The following MBNL1 variants were observed in gnomAD, a reference collection of about 807,000 sequenced individuals.
The protein encoded by MBNL1 is muscleblind like splicing regulator 1.
A neutral mutation model predicts 42.2 loss-of-function variants in MBNL1; 8 were observed. The ratio of observed to expected loss-of-function variants is 0.19; its 90% CI spans 0.11 to 0.34. The LOEUF is 0.34. Ranked by LOEUF, MBNL1 falls within the 10% of genes least tolerant of loss-of-function variation. MBNL1 has a pLI of 1.00. For synonymous variants in MBNL1, 169 were observed against 173.9 expected, an observed-to-expected ratio of 0.97 and a Z score of 0.22; for missense variants, 309 against 495.3, an observed-to-expected ratio of 0.62 and a Z score of 3.57.
chr3:152,320,698 T>TA (rs1222701836), intron 2 of MBNL1, among the ~76,000 whole-genome samples: 3 of 150,634 alleles, frequency 2.0e-5, no homozygotes, highest in Non-Finnish European at 3.0e-5. Context: ...TTTTTTTTTT[T>TA]AATCTTTTTT....
At chr3:152,244,770 CTT>C (rs2032501980) in intron 2 of MBNL1, among the ~76,000 whole-genome samples, 1 of 152,042 alleles carries the variant, frequency 6.6e-6, no homozygotes, top group Non-Finnish European at 1.5e-5. Flanking sequence ...AATTTGATAA[CTT>C]TTCTTCTTTC....
intron 2 of MBNL1, among the ~76,000 whole-genome samples, chr3:152,328,423 G>C (rs914536049): frequency 2.0e-5 from 3 of 152,086 alleles, no homozygotes; most frequent in Non-Finnish European, 4.4e-5. Flanking sequence ...AGTAATTACT[G>C]TAATTCTAAA....
At chr3:152,440,753 T>A (rs980246053) in intron 4 of MBNL1, among the ~76,000 whole-genome samples, 2 of 152,246 alleles carry the variant, frequency 1.3e-5, no homozygotes, top group African/African-American at 4.8e-5. Flanking sequence ...TAATCCTTTT[T>A]AAATGAAAAT....
At chr3:152,403,394 A>G (rs891223187) in intron 2 of MBNL1, among the ~76,000 whole-genome samples, 4 of 152,188 alleles carry the variant, frequency 2.6e-5, no homozygotes, top group Admixed American at 6.5e-5. Flanking sequence ...CCCTTTTGCT[A>G]TATAGACTCA....
At chr3:152,410,466 G>T (rs912752720) in intron 2 of MBNL1, among the ~76,000 whole-genome samples, 1 of 152,084 alleles carries the variant, frequency 6.6e-6, no homozygotes, top group East Asian at 1.9e-4. Context: ...AAATGAACTT[G>T]GTGTAGACCA....
At chr3:152,249,695 T>C (rs901253031) in intron 2 of MBNL1, among the ~76,000 whole-genome samples, 1 of 149,714 alleles carries the variant, frequency 6.7e-6, no homozygotes, top group African/African-American at 2.5e-5. Flanking sequence ...TCCTTGCCCA[T>C]GCCTATGTCC....
chr3:152,286,915 C>T (rs1577160961), intron 1 of MBNL1, among the ~76,000 whole-genome samples: 2 of 152,072 alleles, frequency 1.3e-5, no homozygotes, highest in Non-Finnish European at 2.9e-5. Flanking sequence ...TGGTTTGAGG[C>T]ATGATTAATA....
chr3:152,260,309 C>G (rs1427315543), intron 2 of MBNL1, among the ~76,000 whole-genome samples: 1 of 152,138 alleles, frequency 6.6e-6, no homozygotes, highest in Non-Finnish European at 1.5e-5. Flanking sequence ...ATTGCAGAAA[C>G]ATGGGCATTC....
At chr3:152,344,913 C>T (rs2093978971) in intron 2 of MBNL1, among the ~76,000 whole-genome samples, 2 of 152,136 alleles carry the variant, frequency 1.3e-5, no homozygotes, top group African/African-American at 4.8e-5. Context: ...CACAGACACC[C>T]ATGCTTTTGC....
rs140212845 is a variant in MBNL1, at chr3:152,259,848, CAATAA to C, written n.333+15411_333+15415del. Among the ~76,000 whole-genome samples, 10 of 152,020 alleles carry C rather than the reference CAATAA, an allele frequency of 6.6e-5. No homozygotes were observed. The East Asian group carries it at 1.9e-3, about 29-fold the overall frequency. ...AACTATAATGTGAGACATTTGAATTCAATAAAAAAGGGAGAGAGCAATAAAATAAT... is the reference window on the plus strand; with the variant it reads ...AACTATAATGTGAGACATTTGAATTCAAAAGGGAGAGAGCAATAAAATAAT... On this transcript the variant is annotated intron_variant and non_coding_transcript_variant, in intron 2 of 2. Transcript: ENST00000477171.
rs536175041 is a variant in MBNL1 at position 152,411,253 on chromosome 3, G to T, written c.175-3688G>T. On this transcript the variant is annotated intron_variant, in intron 2 of 9. Coordinates refer to ENST00000324210, the MANE Select transcript of MBNL1 (RefSeq NM_021038.5). Reference sequence around the variant, plus strand: ...AAAACTGAAGATGGCTGGTCATGGTGGCTCACACCTATAATCCCAGCACTT... The same window carrying T: ...AAAACTGAAGATGGCTGGTCATGGTTGCTCACACCTATAATCCCAGCACTT... Among the ~76,000 whole-genome samples, 3 of 152,308 alleles carry T rather than the reference G, an allele frequency of 2.0e-5. 1 individual carries two copies. Among genetic ancestry groups the T allele is most frequent in the African/African-American group, 7.2e-5 (3 of 41,574 alleles).
At chr3:152,290,271 C>T (rs1432145929) in intron 1 of MBNL1, among the ~76,000 whole-genome samples, 1 of 151,306 alleles carries the variant, frequency 6.6e-6, no homozygotes, top group Non-Finnish European at 1.5e-5. Flanking sequence ...AAGTTTGATC[C>T]TAATGAGATA....
At chr3:152,269,304 C>T (rs1005894377) in intron 1 of MBNL1, 13 of 349,628 alleles carry the variant, frequency 3.7e-5, no homozygotes, top group South Asian at 2.3e-4. Context: ...CTCCTGCGCC[C>T]TTCCCTGCCG....
intron 2 of MBNL1, among the ~76,000 whole-genome samples, chr3:152,246,628 G>T (rs2033095891): frequency 6.6e-6 from 1 of 151,860 alleles, no homozygotes; most frequent in African/African-American, 2.4e-5. Flanking sequence ...CTGAGCTGTA[G>T]TATATATTTT....
chr3:152,318,373 A>G (rs544569508), intron 2 of MBNL1, among the ~76,000 whole-genome samples: 1 of 152,350 alleles, frequency 6.6e-6, no homozygotes, highest in East Asian at 1.9e-4. Context: ...TCAACAAGAA[A>G]TTATGTAGCA....
intron 4 of MBNL1, among the ~76,000 whole-genome samples, chr3:152,443,189 C>A (rs1011868316): frequency 6.8e-6 from 1 of 147,460 alleles, no homozygotes; most frequent in Non-Finnish European, 1.5e-5. Flanking sequence ...AACCCCCCCC[C>A]CCACACACAC....
chr3:152,276,385 A>C (rs13072540), intron 1 of MBNL1, among the ~76,000 whole-genome samples: 67,416 of 152,006 alleles, frequency 0.44, 15,029 homozygotes, highest in East Asian at 0.54. Flanking sequence ...AGACAAGTCC[A>C]ATTAATTGTG....
intron 2 of MBNL1, among the ~76,000 whole-genome samples, chr3:152,400,497 A>G (rs923832954): frequency 6.6e-6 from 1 of 152,134 alleles, no homozygotes; most frequent in Non-Finnish European, 1.5e-5. Flanking sequence ...CTGATAATAC[A>G]CTCTTTCTTA....
chr3:152,336,939 T>C (rs1009650709), intron 2 of MBNL1, among the ~76,000 whole-genome samples: 116 of 152,334 alleles, frequency 7.6e-4, no homozygotes, highest in African/African-American at 2.7e-3. Flanking sequence ...CAATAGCTTT[T>C]CTTCTTTACT....
Sources: gnomAD v4.1 joint callset for allele counts (sites outside exome capture counted in the v4.1 genomes callset) on GRCh38, gnomAD v4.1.1 for gene constraint, MANE v1.5 for transcripts, NCBI Gene and HGNC (gene_info 2026-07-23, HGNC 2026-07-21) for gene names.